BLM: variants seen among roughly 807,000 people sequenced by gnomAD.
BLM encodes the protein BLM RecQ like helicase.
Under a neutral mutation model 135.3 loss-of-function variants are expected in BLM, and 95 were observed. That is an observed-to-expected ratio of 0.70 (90% CI 0.59 to 0.83). BLM has a LOEUF of 0.83. Ranked by LOEUF, BLM falls within the 40% of genes least tolerant of loss-of-function variation. The pLI, the probability that BLM is intolerant of heterozygous loss-of-function variation, is 0.00. For synonymous variants in BLM, 520 were observed against 589.2 expected (o/e 0.88, Z 1.70); for missense variants, 1,518 against 1,663.9 (o/e 0.91, Z 1.53).
At chr15:90,754,713 G>T in intron 4 of BLM, 98 bp from the exon 5 acceptor site, 1 of 1,290,354 alleles carries the variant, frequency 7.7e-7, no homozygotes. Flanking sequence ...GTTATATATT[G>T]TCTGATCAGT....
At chr15:90,768,502 C>T (rs773502947) in intron 10 of BLM, among the ~76,000 whole-genome samples, 6 of 152,092 alleles carry the variant, frequency 3.9e-5, no homozygotes, top group African/African-American at 7.2e-5. Context: ...CCAGCCAACA[C>T]GCATCCATAT....
intron 17 of BLM, among the ~76,000 whole-genome samples, chr15:90,802,461 G>C (rs1278628493): frequency 2.0e-5 from 3 of 152,192 alleles, no homozygotes; most frequent in Non-Finnish European, 4.4e-5. Context: ...AGAGGGAAGT[G>C]TGTGTACATA....
In BLM at chr15:90,782,922, C is replaced by A. The variant is rs765636566; in HGVS notation, c.2656C>A (p.His886Asn). ...TTGCCTAGAATGGATCAGAAAGCAC[C>A]ACCCATGTGAGTACAGCCATGTGAT... ...FDCLEWIRKH[H>N]PYDSGIIYCL... Residue 886 changes from histidine (H) to asparagine (N), a missense_variant, in exon 13 of 22, where the codon CAC becomes AAC. By Grantham distance (68) the His-to-Asn change is moderately conservative. Coordinates refer to ENST00000355112, the MANE Select transcript of BLM (RefSeq NM_000057.4). 14 of 1,608,378 alleles carry A rather than the reference C, an allele frequency of 8.7e-6. No individual in the cohort carries two copies. In the East Asian group the frequency reaches 3.1e-4, roughly 36 times the overall value.
rs905119672 is a variant in BLM at position 90,753,345 on chromosome 15, T to C, written c.959+1399T>C. On this transcript the variant is annotated intron_variant, in intron 4 of 21. Transcript: ENST00000355112. ...AGTTTTGATACATGTGTGTTTGATT[T>C]CTGCATTGTTGTAATCAACATGTAA... Among the ~76,000 whole-genome samples, 6 of 152,266 alleles carry C rather than the reference T, an allele frequency of 3.9e-5. No homozygotes were observed. The East Asian group carries it at 9.6e-4, about 24-fold the overall frequency.
chr15:90,763,128 G>A lies in BLM; in HGVS notation c.2045G>A (p.Gly682Asp), dbSNP rs1342307269. ...QLEAINAALL[G>D]EDCFILMPTG... Reference sequence around the variant, plus strand: ...GAGGCGATCAATGCTGCACTGCTTGGTGAAGACTGTTTTATCCTGATGCCG... The same window carrying A: ...GAGGCGATCAATGCTGCACTGCTTGATGAAGACTGTTTTATCCTGATGCCG... The change falls in exon 8 of 22, where the codon GGT becomes GAT. Residue 682 changes from glycine to aspartate, a missense_variant. Around this residue, in one of 5 missense-constraint regions of BLM, gnomAD observed 13 missense variants for 35.8 expected, o/e 0.36. Transcript: ENST00000355112. 6 of 1,614,048 alleles carry A rather than the reference G, an allele frequency of 3.7e-6. No individual in the cohort carries two copies. The highest frequency in any genetic ancestry group is 5.1e-6 in the Non-Finnish European group (6 of 1,179,980).
chr15:90,811,254 A>C lies in BLM; in HGVS notation c.3924A>C (p.Gly1308=). The change falls in exon 21 of 22, where the codon GGA becomes GGC. Residue 1308 remains glycine, a synonymous_variant. Coordinates refer to ENST00000355112, the MANE Select transcript of BLM (RefSeq NM_000057.4). ...GCCTGTCCAGCAGCAGAGGCCCCGGAAGAAGTGCCGCTGAGGAGCTCGACG... is the reference window on the plus strand; with the variant it reads ...GCCTGTCCAGCAGCAGAGGCCCCGGCAGAAGTGCCGCTGAGGAGCTCGACG... ...GISLSSSRGP[G]RSAAEELDEE... 6.2e-7 allele frequency: 1 copy of C among 1,614,136 alleles called. No individual in the cohort carries two copies. Among genetic ancestry groups the C allele is most frequent in the Non-Finnish European group, 8.5e-7 (1 of 1,180,044 alleles).
At chr15:90,761,342 AT>A (rs908205570) in intron 7 of BLM, 87 bp downstream of exon 7, 2 of 1,045,230 alleles carry the variant, frequency 1.9e-6, no homozygotes, top group African/African-American at 3.3e-5. Flanking sequence ...GCAAATCATC[AT>A]TGCCTGAAAA....
chr15:90,804,940 G>T (rs1331687960), intron 19 of BLM, among the ~76,000 whole-genome samples: 2 of 152,092 alleles, frequency 1.3e-5, no homozygotes, highest in Admixed American at 6.5e-5. Flanking sequence ...AGGTTCAAGC[G>T]ATTCTTCTGC....
chr15:90,758,355 C>T (rs562687859), intron 5 of BLM, among the ~76,000 whole-genome samples: 23 of 152,230 alleles, frequency 1.5e-4, no homozygotes, highest in African/African-American at 4.8e-4. Flanking sequence ...AGCGTGGTAG[C>T]GTGTGCTTGT....
At chr15:90,773,545 G>A (rs1220362484) in intron 12 of BLM, among the ~76,000 whole-genome samples, 1 of 118,190 alleles carries the variant, frequency 8.5e-6, no homozygotes, top group Non-Finnish European at 1.7e-5. Flanking sequence ...TAGTTTATAA[G>A]GTTGTGCAGC....
Position 90,815,048 on chromosome 15 carries a change from C to A in BLM, c.4077-54C>A. 1 of 1,375,826 alleles carries A rather than the reference C, an allele frequency of 7.3e-7. No homozygotes were observed. The highest frequency in any genetic ancestry group is 2.4e-5 in the East Asian group (1 of 41,766). 85.2% of individuals were successfully genotyped at this position (1,375,826 alleles called of 1,614,324 possible). A position where few individuals can be genotyped will look rare whatever the true frequency, so the allele number is the denominator to read the frequency against. ...GCTCTGTGCAGGTTGAGAGGAAGGT[C>A]ATTCATTTTTGGTTTCATTTAACAT... is the stretch of plus-strand genomic sequence containing the variant. On this transcript the variant is annotated intron_variant, in intron 21 of 21. Transcript: ENST00000355112. This position sits in a 1 kb window ranked among gnomAD's most constrained non-coding sequence, Gnocchi z 4.6.
chr15:90,735,236 AATATATATATATATATATAT>A (rs60589046), intron 1 of BLM, among the ~76,000 whole-genome samples: 8 of 108,200 alleles, frequency 7.4e-5, no homozygotes, highest in African/African-American at 1.4e-4. Flanking sequence ...TGCCTAAGTT[AATATATATATATATATATAT>A]ATATATATAT....
chr15:90,766,050 A>G (rs1004832295), intron 9 of BLM, among the ~76,000 whole-genome samples: 1 of 152,198 alleles, frequency 6.6e-6, no homozygotes, highest in Non-Finnish European at 1.5e-5. Flanking sequence ...TTGAGGCTGC[A>G]GTGGGTCATG....
chr15:90,754,879 C>G lies in BLM; in HGVS notation c.1028C>G (p.Ser343Ter). The change falls in exon 5 of 22, where the codon TCA (serine) becomes TGA (stop). Residue 343 changes from serine to a stop codon, truncating the protein, a stop_gained. Transcript: ENST00000355112. LOFTEE classifies it high-confidence loss of function. ...CTTAGCACATCAAAAGATCTTTTGT[C>G]AAAACCTGAGAAAATGAGTATGCAG... ...DVLSTSKDLL[S>*]KPEKMSMQEL... is the part of the protein sequence containing the mutation. 3 of 1,613,870 alleles carry G rather than the reference C, an allele frequency of 1.9e-6. No individual in the cohort carries two copies. Among genetic ancestry groups the G allele is most frequent in the Non-Finnish European group, 2.5e-6 (3 of 1,179,910 alleles).
intron 1 of BLM, among the ~76,000 whole-genome samples, chr15:90,723,286 T>C (rs1894817430): frequency 6.6e-6 from 1 of 152,064 alleles, no homozygotes; most frequent in South Asian, 2.1e-4. Flanking sequence ...TGAGTCTTTC[T>C]AGTTTGCGTT....
intron 1 of BLM, among the ~76,000 whole-genome samples, chr15:90,743,087 C>T (rs1215388906): frequency 1.3e-5 from 2 of 151,448 alleles, no homozygotes; most frequent in Non-Finnish European, 2.9e-5. Flanking sequence ...CCTCGAACTC[C>T]TGGGCTCAAG....
At chr15:90,806,701 C>T (rs374150587) in intron 19 of BLM, among the ~76,000 whole-genome samples, 12 of 152,286 alleles carry the variant, frequency 7.9e-5, no homozygotes, top group East Asian at 1.9e-4. Flanking sequence ...TGGAAAACAA[C>T]GTCTTCATAT....
In BLM at chr15:90,763,009, G is replaced by A. The variant is rs763017658; in HGVS notation, c.1926G>A (p.Glu642=). 7.4e-6 allele frequency: 12 copies of A among 1,613,414 alleles called. No homozygotes were observed. The East Asian group carries it at 2.7e-4, about 36-fold the overall frequency. The change falls in exon 8 of 22, where the codon GAG becomes GAA. Residue 642 remains glutamate, a synonymous_variant. Transcript: ENST00000355112. The part of the protein sequence containing the change: ...QNLASRNLKH[E]RFQSLSFPHT... ...TAGCATCCAGAAATCTGAAACATGA[G>A]CGTTTCCAAAGTCTTAGTTTTCCTC...
chr15:90,776,060 A>G (rs930273777), intron 12 of BLM, among the ~76,000 whole-genome samples: 7 of 152,216 alleles, frequency 4.6e-5, no homozygotes, highest in Non-Finnish European at 1.0e-4. Context: ...TTATGGATGT[A>G]AGCACTAAGA....
Sources: allele counts gnomAD v4.1 joint callset (sites outside exome capture counted in the v4.1 genomes callset), GRCh38; gene constraint gnomAD v4.1.1; regional missense constraint gnomAD v4.1.1; non-coding constraint Gnocchi (gnomAD v3.1); transcripts MANE v1.5; gene names NCBI Gene and HGNC (gene_info 2026-07-23, HGNC 2026-07-21).